The following SUDS3 variants were observed in gnomAD, a reference collection of about 807,000 sequenced individuals.
SUDS3 encodes the protein SIN3A corepressor complex component SDS3.
In SUDS3, 23 loss-of-function variants were observed where a neutral mutation model predicts 53.5. That is an observed-to-expected ratio of 0.43 (90% CI 0.31 to 0.61). SUDS3 has a LOEUF of 0.61. SUDS3 is among the 20% of genes least tolerant of loss of function. The probability of loss-of-function intolerance (pLI) is 0.10; values close to 1 mark genes in which losing one functional copy is unlikely to be tolerated. For synonymous variants in SUDS3, 150 were observed against 148.5 expected, an observed-to-expected ratio of 1.01 and a Z score of -0.08; for missense variants, 291 against 405.9, an observed-to-expected ratio of 0.72 and a Z score of 2.43.
chr12:118,409,227 A>G (rs2046336204), intron 10 of SUDS3, among the ~76,000 whole-genome samples: 2 of 151,390 alleles, frequency 1.3e-5, no homozygotes, highest in South Asian at 4.2e-4. Flanking sequence ...GGCTTGCTGC[A>G]AGCTCCGCCT....
chr12:118,391,430 T>C, intron 6 of SUDS3, 148 bp downstream of exon 6: 1 of 902,022 alleles, frequency 1.1e-6, no homozygotes, highest in Non-Finnish European at 1.7e-6. Flanking sequence ...TCCTCCACCT[T>C]CTATTGGCTG....
At chr12:118,400,593 C>A in intron 6 of SUDS3, 66 bp from the exon 7 acceptor site, 1 of 1,467,936 alleles carries the variant, frequency 6.8e-7, no homozygotes, top group Middle Eastern at 1.9e-4. Context: ...TATTCTTATA[C>A]TATAGAAATT....
At chr12:118,384,100 T>C in intron 3 of SUDS3, 33 bp downstream of exon 3, 2 of 1,601,212 alleles carry the variant, frequency 1.2e-6, no homozygotes, top group Non-Finnish European at 1.7e-6. Context: ...CATTTCTAAA[T>C]ATGCTTCTTA....
rs1254948938 is a variant in SUDS3, at chr12:118,417,850, T to C, written c.*3417T>C. 1 of 152,194 alleles carries C rather than the reference T, an allele frequency of 6.6e-6. No homozygotes were observed. The highest frequency in any genetic ancestry group is 2.4e-5 in the African/African-American group (1 of 41,452). The allele number at this position is 152,194 out of a possible 1,614,324, so 9.4% of individuals were successfully genotyped here. On this transcript the variant is annotated 3_prime_UTR_variant, in exon 12 of 12. Coordinates refer to ENST00000543473, the MANE Select transcript of SUDS3 (RefSeq NM_022491.3). Reference sequence around the variant, plus strand: ...AAGGGATATTCTAGACATTTAATTCTTAGTGAAGACTAAGATACAGAATGA... The same window carrying C: ...AAGGGATATTCTAGACATTTAATTCCTAGTGAAGACTAAGATACAGAATGA...
chr12:118,382,030 A>C (rs1298865966), intron 2 of SUDS3, among the ~76,000 whole-genome samples: 1 of 151,706 alleles, frequency 6.6e-6, no homozygotes, highest in African/African-American at 2.4e-5. Flanking sequence ...CCAGTGCTGA[A>C]TAAAGATGGA....
chr12:118,389,958 G>A lies in SUDS3; in HGVS notation c.360+12G>A, dbSNP rs754233710. 24 of 1,613,846 alleles carry A rather than the reference G, an allele frequency of 1.5e-5. No homozygotes were observed. The highest frequency in any genetic ancestry group is 5.0e-5 in the Admixed American group (3 of 60,006). On this transcript the variant is annotated intron_variant, in intron 5 of 11. Coordinates refer to ENST00000543473, the MANE Select transcript of SUDS3 (RefSeq NM_022491.3). Reference sequence around the variant, plus strand: ...TCCTCCAGCTGGAAGTAAGTACCACGGATCTTCTGGGTTTGCAGGCCCTGT... The same window carrying A: ...TCCTCCAGCTGGAAGTAAGTACCACAGATCTTCTGGGTTTGCAGGCCCTGT...
chr12:118,409,425 G>A (rs183866585), intron 10 of SUDS3, among the ~76,000 whole-genome samples: 10 of 152,264 alleles, frequency 6.6e-5, no homozygotes, highest in East Asian at 1.9e-4. Context: ...GATTACAGGC[G>A]TGAGCCACCA....
chr12:118,408,364 C>T (rs1283442591), intron 10 of SUDS3, among the ~76,000 whole-genome samples: 4 of 148,276 alleles, frequency 2.7e-5, no homozygotes, highest in Non-Finnish European at 4.5e-5. Flanking sequence ...GACAGAGTCT[C>T]GTTCTTCCAG....
chr12:118,383,732 A>G (rs1353924838), intron 2 of SUDS3, among the ~76,000 whole-genome samples: 1 of 152,224 alleles, frequency 6.6e-6, no homozygotes, highest in Non-Finnish European at 1.5e-5. Context: ...AAAATCTGCT[A>G]TCGTTGCAAG....
At position 118,400,842 on chromosome 12, in the gene SUDS3, G is replaced by A. The variant is rs148736129; in HGVS notation, c.613+88G>A. The A allele has an allele frequency of 9.0e-5, 109 of 1,208,594 alleles. No individual in the cohort carries two copies. The African/African-American group carries it at 1.1e-3, about 12-fold the overall frequency. 74.9% of individuals were successfully genotyped at this position (1,208,594 alleles called of 1,614,324 possible). Reference sequence around the variant, plus strand: ...TCCGTTTGCTAGGGTACACATGGCCGTTGTCCTACAGAAAATAGTAACATT... The same window carrying A: ...TCCGTTTGCTAGGGTACACATGGCCATTGTCCTACAGAAAATAGTAACATT... On this transcript the variant is annotated intron_variant, in intron 7 of 11. Coordinates refer to ENST00000543473, the MANE Select transcript of SUDS3 (RefSeq NM_022491.3).
At position 118,382,263 on chromosome 12, in the gene SUDS3, G is replaced by C. The variant is rs148638328; in HGVS notation, c.213-1749G>C. ...GGGTTTCACCATGTTGGCCAGGCTG[G>C]TCTTGAACTCCTGACCTCAGATGAT... On this transcript the variant is annotated intron_variant, in intron 2 of 11. Coordinates refer to ENST00000543473, the MANE Select transcript of SUDS3 (RefSeq NM_022491.3). Among the ~76,000 whole-genome samples the C allele has an allele frequency of 7.2e-3, 1,091 of 152,174 alleles. 12 individuals carry two copies. Among genetic ancestry groups the C allele is most frequent in the Non-Finnish European group, 0.012 (795 of 67,996 alleles).
At chr12:118,379,561 G>A (rs547145649) in intron 1 of SUDS3, among the ~76,000 whole-genome samples, 3 of 152,190 alleles carry the variant, frequency 2.0e-5, no homozygotes, top group Admixed American at 1.3e-4. Context: ...ACTCCCCCAC[G>A]GATACTGAGG....
At chr12:118,395,260 T>C (rs793594) in intron 6 of SUDS3, among the ~76,000 whole-genome samples, 4 of 149,048 alleles carry the variant, frequency 2.7e-5, no homozygotes, top group Admixed American at 2.7e-4. Flanking sequence ...GAGTCTCGCT[T>C]TGTCCCCCAG....
chr12:118,401,925 C>G (rs1209863533), intron 8 of SUDS3, 58 bp from the exon 9 acceptor site: 1 of 1,607,732 alleles, frequency 6.2e-7, no homozygotes, highest in Non-Finnish European at 8.5e-7. Context: ...CCTTTGACAC[C>G]TGAAGTTGCA....
chr12:118,383,921 A>T lies in SUDS3; in HGVS notation c.213-91A>T, dbSNP rs571261350. On this transcript the variant is annotated intron_variant, in intron 2 of 11. Transcript: ENST00000543473. ...CCTGAAGGACATTAATGACCTTCCC[A>T]TAACAGCCCAGCTAATTTCTGTGAG... 18 of 1,237,082 alleles carry T rather than the reference A, an allele frequency of 1.5e-5. 1 individual carries two copies. In the Admixed American group the frequency reaches 3.7e-4, roughly 26 times the overall value. 76.6% of individuals were successfully genotyped at this position (1,237,082 alleles called of 1,614,324 possible). A position where few individuals can be genotyped will look rare whatever the true frequency, so the allele number is the denominator to read the frequency against.
At position 118,415,811 on chromosome 12, in the gene SUDS3, CCTT is replaced by C. The variant is rs1355024680; in HGVS notation, c.*1381_*1383del. 1.4e-4 allele frequency: 21 copies of C among 152,092 alleles called. No individual in the cohort carries two copies. The highest frequency in any genetic ancestry group is 1.3e-4 in the Admixed American group (2 of 15,268). The allele number at this position is 152,092 out of a possible 1,614,324, so 9.4% of individuals were successfully genotyped here. Reference sequence around the variant, plus strand: ...GGGGACTGTGATGACAATTAAATCACCTTCTCTGAAGTTCTGGCTCTGCAGAGA... The same window carrying C: ...GGGGACTGTGATGACAATTAAATCACCTCTGAAGTTCTGGCTCTGCAGAGA... On this transcript the variant is annotated 3_prime_UTR_variant, in exon 12 of 12. Coordinates refer to ENST00000543473, the MANE Select transcript of SUDS3 (RefSeq NM_022491.3).
chr12:118,380,165 CTG>C lies in SUDS3; in HGVS notation c.147_148del (p.Glu50GlyfsTer3). The C allele has an allele frequency of 1.2e-6, 2 of 1,606,422 alleles. No homozygotes were observed. Among genetic ancestry groups the C allele is most frequent in the Non-Finnish European group, 1.7e-6 (2 of 1,176,210 alleles). ...CCTATTTCCTAACTTTATTCAGACA[CTG>C]AGGATGCTAGTGAAACTGACCTGGC... On this transcript the variant is annotated frameshift_variant, in exon 2 of 12. Transcript: ENST00000543473. LOFTEE classifies it high-confidence loss of function.
At chr12:118,396,484 G>A (rs1243674969) in intron 6 of SUDS3, among the ~76,000 whole-genome samples, 1 of 152,096 alleles carries the variant, frequency 6.6e-6, no homozygotes, top group East Asian at 1.9e-4. Flanking sequence ...GAACTCCTGG[G>A]CTCAAGCAAT....
At chr12:118,377,070 G>C (rs947418280) in intron 1 of SUDS3, among the ~76,000 whole-genome samples, 1 of 152,058 alleles carries the variant, frequency 6.6e-6, no homozygotes, top group African/African-American at 2.4e-5. Flanking sequence ...TGTCACGCTG[G>C]GGGTCCCTTT....
Sources: gnomAD v4.1 joint callset for allele counts (sites outside exome capture counted in the v4.1 genomes callset) on GRCh38, gnomAD v4.1.1 for gene constraint, MANE v1.5 for transcripts, NCBI Gene and HGNC (gene_info 2026-07-23, HGNC 2026-07-21) for gene names.